RBFOX1: variants seen among roughly 807,000 people sequenced by gnomAD.
RBFOX1 encodes the protein RNA binding fox-1 homolog 1.
RBFOX1 carries 8 observed loss-of-function variants against 57.7 expected under a neutral mutation model. The observed-to-expected ratio is 0.14, with a 90% confidence interval of 0.08 to 0.25. The LOEUF (loss-of-function observed/expected upper bound fraction) is 0.25, where lower values mean the gene tolerates loss of function less well. Among genes scored for constraint, RBFOX1 ranks in the 10% least tolerant of loss-of-function variants. RBFOX1 has a pLI of 1.00. For missense variants in RBFOX1, 611 were observed against 548.5 expected, an observed-to-expected ratio of 1.11 and a Z score of -1.14; for synonymous variants, 326 against 222.4, an observed-to-expected ratio of 1.47 and a Z score of -4.15.
Position 7,517,138 on chromosome 16 carries a change from C to CATGTGTGTGT in RBFOX1, c.28-1009_28-1008insATGTGTGTGT, listed in dbSNP as rs1354039473. On this transcript the variant is annotated intron_variant, in intron 4 of 15. Transcript: ENST00000550418. ...ACCTTTGGGTTACAATTTCTTATGC[C>CATGTGTGTGT]GTGTGTGTGTGTGTGTGTGTGTGTG... is the stretch of plus-strand genomic sequence containing the variant. 3.6e-4 allele frequency among the ~76,000 whole-genome samples: 47 copies of CATGTGTGTGT among 130,220 alleles called. 1 individual carries two copies. Among genetic ancestry groups the CATGTGTGTGT allele is most frequent in the East Asian group, 2.5e-3 (11 of 4,372 alleles). 85.4% of individuals were successfully genotyped at this position (130,220 alleles called of 152,430 possible). A position where few individuals can be genotyped will look rare whatever the true frequency, so the allele number is the denominator to read the frequency against.
intron 4 of RBFOX1, among the ~76,000 whole-genome samples, chr16:5,985,078 C>T (rs955456699): frequency 6.7e-6 from 1 of 148,656 alleles, no homozygotes; most frequent in Non-Finnish European, 1.5e-5. Context: ...CTCCGCTTCC[C>T]GGGTTCACAC....
chr16:7,336,865 A>C (rs2096797698), intron 4 of RBFOX1, among the ~76,000 whole-genome samples: 1 of 152,188 alleles, frequency 6.6e-6, no homozygotes, highest in African/African-American at 2.4e-5. Context: ...TTGACCTGAA[A>C]TGATGTGTAG....
At chr16:7,039,123 T>G (rs895911093) in intron 3 of RBFOX1, among the ~76,000 whole-genome samples, 2 of 152,202 alleles carry the variant, frequency 1.3e-5, no homozygotes, top group Non-Finnish European at 2.9e-5. Flanking sequence ...CTAAGAATAC[T>G]AAGTGTTTTG....
chr16:6,712,874 C>A lies in RBFOX1; in HGVS notation c.-16+58224C>A, dbSNP rs538258129. ...GGGACCCAGTGGGAGGTAATTGAAT[C>A]ATGGGGGTGTTTTTTTTTTTTTTTT... On this transcript the variant is annotated intron_variant, in intron 3 of 15. Transcript: ENST00000550418. Among the ~76,000 whole-genome samples the A allele has an allele frequency of 4.3e-3, 593 of 138,934 alleles. 5 individuals are homozygous for A. Among genetic ancestry groups the A allele is most frequent in the African/African-American group, 0.015 (567 of 37,104 alleles). The allele number at this position is 138,934 out of a possible 152,430, so 91.1% of individuals were successfully genotyped here.
At chr16:7,391,373 C>T (rs1214543151) in intron 4 of RBFOX1, among the ~76,000 whole-genome samples, 2 of 152,280 alleles carry the variant, frequency 1.3e-5, no homozygotes, top group East Asian at 3.9e-4. Context: ...TCCAAGGATA[C>T]CAATTATAGG....
chr16:7,318,575 A>C (rs1226416768), intron 4 of RBFOX1, among the ~76,000 whole-genome samples: 3 of 152,194 alleles, frequency 2.0e-5, no homozygotes, highest in African/African-American at 7.2e-5. Context: ...TATGAAGACT[A>C]AATTATTTAA....
chr16:6,344,407 C>CTTTTCTTTTTTTTT (rs767256133), intron 2 of RBFOX1, among the ~76,000 whole-genome samples: 14 of 109,842 alleles, frequency 1.3e-4, no homozygotes, highest in African/African-American at 4.3e-4. Context: ...TCTTTTTTTT[C>CTTTTCTTTTTTTTT]TTTTTTTTTT....
At chr16:6,515,083 AAAGGAGAG>A (rs1281703665) in intron 2 of RBFOX1, among the ~76,000 whole-genome samples, 2 of 152,168 alleles carry the variant, frequency 1.3e-5, no homozygotes, top group South Asian at 2.1e-4. Flanking sequence ...GGAAGGAAGG[AAAGGAGAG>A]AAGGAGAGAA....
At chr16:7,457,293 C>T (rs890117311) in intron 4 of RBFOX1, among the ~76,000 whole-genome samples, 2 of 152,114 alleles carry the variant, frequency 1.3e-5, no homozygotes, top group African/African-American at 4.8e-5. Flanking sequence ...GAATAGCAAA[C>T]ACTATCTTCC....
At chr16:6,258,185 G>A (rs74005048) in intron 1 of RBFOX1, among the ~76,000 whole-genome samples, 3,159 of 152,224 alleles carry the variant, frequency 0.021, 86 homozygotes, top group African/African-American at 0.063. Flanking sequence ...GGTTTACTCA[G>A]TTCTTCACTG....
At chr16:5,463,175 T>C (rs891369874) in intron 1 of RBFOX1, among the ~76,000 whole-genome samples, 2 of 152,210 alleles carry the variant, frequency 1.3e-5, no homozygotes, top group East Asian at 1.9e-4. Flanking sequence ...TGGAGAGTAG[T>C]AGGGAGTTTT....
chr16:5,969,434 C>G (rs2152297231), intron 4 of RBFOX1, among the ~76,000 whole-genome samples: 1 of 150,686 alleles, frequency 6.6e-6, no homozygotes, highest in East Asian at 2.0e-4. Flanking sequence ...GCCTCAGCCT[C>G]CCAAGTAGCT....
chr16:6,884,349 C>T (rs766626122), intron 3 of RBFOX1, among the ~76,000 whole-genome samples: 4 of 152,156 alleles, frequency 2.6e-5, no homozygotes, highest in African/African-American at 7.2e-5. Context: ...CAGCTTCTTC[C>T]AAAGTCACTT....
chr16:7,050,746 A>G (rs1473437268), intron 3 of RBFOX1, among the ~76,000 whole-genome samples: 2 of 152,182 alleles, frequency 1.3e-5, no homozygotes, highest in Non-Finnish European at 2.9e-5. Flanking sequence ...TACTATCAGT[A>G]TACTATATTT....
At chr16:6,486,955 C>G (rs1375143265) in intron 2 of RBFOX1, among the ~76,000 whole-genome samples, 1 of 152,084 alleles carries the variant, frequency 6.6e-6, no homozygotes. Context: ...CCTCTTCTTG[C>G]ACGGCACCAA....
intron 3 of RBFOX1, among the ~76,000 whole-genome samples, chr16:7,028,457 C>T (rs2041632874): frequency 6.6e-6 from 1 of 151,642 alleles, no homozygotes. Flanking sequence ...CGTGGTGGCT[C>T]ATGCCTGTAA....
intron 4 of RBFOX1, among the ~76,000 whole-genome samples, chr16:7,485,214 A>G (rs933667731): frequency 6.6e-6 from 1 of 152,126 alleles, no homozygotes. Flanking sequence ...TTGTTTTACA[A>G]CTATAATGAC....
At chr16:5,484,834 C>G (rs571385030) in intron 2 of RBFOX1, among the ~76,000 whole-genome samples, 8 of 151,620 alleles carry the variant, frequency 5.3e-5, no homozygotes, top group South Asian at 2.1e-4. Context: ...ATCACTTGAA[C>G]CAGGGAGCCA....
At chr16:6,931,362 CATACATACACATAT>C (rs1567942781) in intron 3 of RBFOX1, among the ~76,000 whole-genome samples, 1 of 150,110 alleles carries the variant, frequency 6.7e-6, no homozygotes, top group African/African-American at 2.5e-5. Flanking sequence ...CACACACACA[CATACATACACATAT>C]ATACATACAT....
Sources: gnomAD v4.1 joint callset for allele counts (sites outside exome capture counted in the v4.1 genomes callset) on GRCh38, gnomAD v4.1.1 for gene constraint, MANE v1.5 for transcripts, NCBI Gene and HGNC (gene_info 2026-07-23, HGNC 2026-07-21) for gene names.